Variants in SETD7 observed in about 807,000 individuals in gnomAD.
SETD7 encodes histone-lysine N-methyltransferase SETD7.
In SETD7, 16 loss-of-function variants were observed where a neutral mutation model predicts 41.8. That is an observed-to-expected ratio of 0.38 (90% CI 0.26 to 0.58). The LOEUF (loss-of-function observed/expected upper bound fraction) is 0.58, where lower values mean the gene tolerates loss of function less well. Ranked by LOEUF, SETD7 falls within the 20% of genes least tolerant of loss-of-function variation. The pLI, the probability that SETD7 is intolerant of heterozygous loss-of-function variation, is 0.64. For synonymous variants in SETD7, 163 were observed against 169.7 expected, an observed-to-expected ratio of 0.96 and a Z score of 0.31; for missense variants, 346 against 459.7, an observed-to-expected ratio of 0.75 and a Z score of 2.26.
chr4:139,539,928 C>T (rs1345695086), intron 2 of SETD7, among the ~76,000 whole-genome samples: 4 of 152,164 alleles, frequency 2.6e-5, no homozygotes, highest in Non-Finnish European at 5.9e-5. Flanking sequence ...TGTACTGCTG[C>T]CCTGATCTTG....
chr4:139,546,109 C>A (rs1727935270), intron 2 of SETD7, among the ~76,000 whole-genome samples: 1 of 152,176 alleles, frequency 6.6e-6, no homozygotes, highest in African/African-American at 2.4e-5. Flanking sequence ...CTCTCAGTGT[C>A]CTCAGACAGG....
downstream of SETD7, among the ~76,000 whole-genome samples, chr4:139,494,855 C>T (rs192206128): frequency 2.9e-3 from 445 of 152,256 alleles, no homozygotes; most frequent in African/African-American, 9.5e-3. Flanking sequence ...CTTGGTTAAG[C>T]GGATTTACTA....
At chr4:139,517,508 C>T (rs1293255304) in intron 7 of SETD7, among the ~76,000 whole-genome samples, 3 of 150,664 alleles carry the variant, frequency 2.0e-5, no homozygotes, top group Non-Finnish European at 4.4e-5. Flanking sequence ...AAAAAGGGCT[C>T]CTTCATCTTC....
At chr4:139,534,473 G>A (rs186533563) in intron 2 of SETD7, among the ~76,000 whole-genome samples, 10 of 151,922 alleles carry the variant, frequency 6.6e-5, no homozygotes, top group Non-Finnish European at 1.0e-4. Flanking sequence ...CTGCAGCCTC[G>A]ACCTCCTGGG....
At position 139,509,591 on chromosome 4, in the gene SETD7, G is replaced by T; in HGVS notation, c.*2072C>A. ...GACCAGCACTATCCTCTCCCTGACCGTATTCCCTGACCTGGCTGCACAACC... is the reference window on the plus strand; with the variant it reads ...GACCAGCACTATCCTCTCCCTGACCTTATTCCCTGACCTGGCTGCACAACC... On this transcript the variant is annotated 3_prime_UTR_variant, in exon 8 of 8. Transcript: ENST00000274031. The T allele has an allele frequency of 8.7e-6, 4 of 459,536 alleles. No individual in the cohort carries two copies. Among genetic ancestry groups the T allele is most frequent in the Non-Finnish European group, 1.1e-5 (4 of 349,422 alleles). 28.5% of individuals were successfully genotyped at this position (459,536 alleles called of 1,614,324 possible).
At position 139,517,722 on chromosome 4, in the gene SETD7, G is replaced by A. The variant is rs73856577; in HGVS notation, c.920+163C>T. 6.4e-3 allele frequency among the ~76,000 whole-genome samples: 981 copies of A among 152,270 alleles called. 7 individuals carry two copies. Among genetic ancestry groups the A allele is most frequent in the African/African-American group, 0.022 (914 of 41,556 alleles). ...CAAAGCCACAGAGTGAGGCTGTTTAGATTTTGAGTTTCAAGTCATAACCCT... is the reference window on the plus strand; with the variant it reads ...CAAAGCCACAGAGTGAGGCTGTTTAAATTTTGAGTTTCAAGTCATAACCCT... On this transcript the variant is annotated intron_variant, in intron 7 of 7. Transcript: ENST00000274031.
intron 4 of SETD7, among the ~76,000 whole-genome samples, chr4:139,528,804 C>A (rs1232893194): frequency 1.3e-5 from 2 of 152,172 alleles, no homozygotes; most frequent in Non-Finnish European, 2.9e-5. Context: ...TCTGGCCTGG[C>A]CCCCTAAGCC....
At chr4:139,541,272 G>T (rs72726578) in intron 2 of SETD7, among the ~76,000 whole-genome samples, 3 of 152,046 alleles carry the variant, frequency 2.0e-5, no homozygotes, top group Non-Finnish European at 4.4e-5. Context: ...CACCATTCTA[G>T]GATTGTGAAA....
chr4:139,516,728 C>T (rs1424719721), intron 7 of SETD7, among the ~76,000 whole-genome samples: 2 of 151,974 alleles, frequency 1.3e-5, no homozygotes, highest in African/African-American at 2.4e-5. Flanking sequence ...AATATATGTA[C>T]TCCTTTATAT....
intron 2 of SETD7, among the ~76,000 whole-genome samples, chr4:139,537,394 T>C (rs138126476): frequency 2.0e-3 from 300 of 152,320 alleles, no homozygotes; most frequent in African/African-American, 6.8e-3. Flanking sequence ...CTTGGTGAAA[T>C]TGGATTGAGA....
rs1057226699 is a variant in SETD7, at chr4:139,555,300, C to G, written c.40+798G>C. Among the ~76,000 whole-genome samples the G allele has an allele frequency of 6.6e-6, 1 of 151,682 alleles. No individual in the cohort carries two copies. Among genetic ancestry groups the G allele is most frequent in the Non-Finnish European group, 1.5e-5 (1 of 67,954 alleles). Reference sequence around the variant, plus strand: ...ACGACACTGAGGCGGTGATATCACCCACAGCCAACGGCATGGAATTCAGAA... The same window carrying G: ...ACGACACTGAGGCGGTGATATCACCGACAGCCAACGGCATGGAATTCAGAA... On this transcript the variant is annotated intron_variant, in intron 1 of 7. Transcript: ENST00000274031. The surrounding 1 kb of genome is among the most constrained non-coding windows in gnomAD (Gnocchi z 4.0).
At chr4:139,525,395 A>T (rs530049863) in intron 4 of SETD7, among the ~76,000 whole-genome samples, 1 of 152,288 alleles carries the variant, frequency 6.6e-6, no homozygotes, top group Admixed American at 6.5e-5. Context: ...ACTTTTACAG[A>T]TTTTACACAT....
intron 2 of SETD7, among the ~76,000 whole-genome samples, chr4:139,538,804 T>A (rs192890931): frequency 6.6e-6 from 1 of 152,330 alleles, no homozygotes; most frequent in African/African-American, 2.4e-5. Context: ...CTTGCAATTG[T>A]TTGATTTTCC....
chr4:139,524,367 A>G (rs1254253976), intron 4 of SETD7, among the ~76,000 whole-genome samples: 1 of 152,246 alleles, frequency 6.6e-6, no homozygotes, highest in African/African-American at 2.4e-5. Context: ...GGAATTGGTC[A>G]TACAGGGGAT....
chr4:139,500,922 C>A (rs1018465827), intron 7 of SETD7, among the ~76,000 whole-genome samples: 17 of 152,164 alleles, frequency 1.1e-4, no homozygotes, highest in Non-Finnish European at 8.8e-5. Context: ...TGGCCTCCTG[C>A]GCTTCCCTGA....
chr4:139,511,513 T>A lies in SETD7; in HGVS notation c.*150A>T. ...CTGGTATGAGTAATACAGTCAAACC[T>A]AGTTAGTATGCGAGAAAGTCGTTGC... On this transcript the variant is annotated 3_prime_UTR_variant, in exon 8 of 8. Coordinates refer to ENST00000274031, the MANE Select transcript of SETD7 (RefSeq NM_030648.4). 1 of 1,437,440 alleles carries A rather than the reference T, an allele frequency of 7.0e-7. No individual in the cohort carries two copies. The highest frequency in any genetic ancestry group is 9.5e-7 in the Non-Finnish European group (1 of 1,056,966). The allele number at this position is 1,437,440 out of a possible 1,614,324, so 89.0% of individuals were successfully genotyped here.
chr4:139,509,642 A>G lies in SETD7; in HGVS notation c.*2021T>C, dbSNP rs1726814893. ...CACTTGATCGAGGTTAATGCAAGCC[A>G]TCTTTCTCCTGAAGACAGTCACTCC... is the stretch of plus-strand genomic sequence containing the variant. On this transcript the variant is annotated 3_prime_UTR_variant, in exon 8 of 8. Transcript: ENST00000274031. 2 of 956,802 alleles carry G rather than the reference A, an allele frequency of 2.1e-6. No homozygotes were observed. Among genetic ancestry groups the G allele is most frequent in the Non-Finnish European group, 2.5e-6 (2 of 803,858 alleles). The allele number at this position is 956,802 out of a possible 1,614,324, so 59.3% of individuals were successfully genotyped here.
chr4:139,505,221 G>C (rs1487941887), downstream of SETD7, among the ~76,000 whole-genome samples: 2 of 152,156 alleles, frequency 1.3e-5, no homozygotes, highest in Non-Finnish European at 2.9e-5. Context: ...CACTTCTTTG[G>C]GGTCCTGGGC....
intron 7 of SETD7, among the ~76,000 whole-genome samples, chr4:139,515,583 T>G (rs553516934): frequency 6.6e-6 from 1 of 152,238 alleles, no homozygotes; most frequent in Non-Finnish European, 1.5e-5. Context: ...TTTGGCCTAA[T>G]TCACCCTGGC....
Sources: allele counts gnomAD v4.1 joint callset (sites outside exome capture counted in the v4.1 genomes callset), GRCh38; gene constraint gnomAD v4.1.1; non-coding constraint Gnocchi (gnomAD v3.1); transcripts MANE v1.5; gene names NCBI Gene and HGNC (gene_info 2026-07-23, HGNC 2026-07-21).